The following FLACC1 variants were observed in gnomAD, a reference collection of about 807,000 sequenced individuals.
The protein encoded by FLACC1 is flagellum associated containing coiled-coil domains 1, also known as flagellum-associated coiled-coil domain-containing protein 1.
A neutral mutation model predicts 62.8 loss-of-function variants in FLACC1; 66 were observed. The ratio of observed to expected loss-of-function variants is 1.05; its 90% CI spans 0.86 to 1.29. The LOEUF is 1.29. Among genes scored for constraint, FLACC1 ranks in the 50% most tolerant of loss-of-function variants. The pLI, the probability that FLACC1 is intolerant of heterozygous loss-of-function variation, is 0.00. For synonymous variants in FLACC1, 156 were observed against 161.0 expected, an observed-to-expected ratio of 0.97 and a Z score of 0.24; for missense variants, 452 against 489.1, an observed-to-expected ratio of 0.92 and a Z score of 0.71.
At chr2:201,327,930 T>C (rs1431962228) in intron 9 of FLACC1, among the ~76,000 whole-genome samples, 2 of 152,006 alleles carry the variant, frequency 1.3e-5, no homozygotes, top group African/African-American at 2.4e-5. Flanking sequence ...GACTAATGAG[T>C]GGATAAATAA....
chr2:201,329,479 A>G (rs889811963), intron 9 of FLACC1, among the ~76,000 whole-genome samples: 9 of 152,232 alleles, frequency 5.9e-5, no homozygotes, highest in African/African-American at 2.2e-4. Context: ...TTCTACCAAA[A>G]AGACACCTTC....
chr2:201,358,655 G>A (rs1576490814), upstream of FLACC1, among the ~76,000 whole-genome samples: 1 of 151,898 alleles, frequency 6.6e-6, no homozygotes, highest in Non-Finnish European at 1.5e-5. Context: ...CTGACCTCGT[G>A]ATCCGCCCGC....
intron 1 of FLACC1, among the ~76,000 whole-genome samples, chr2:201,355,009 G>A (rs1049530224): frequency 6.6e-6 from 1 of 152,238 alleles, no homozygotes; most frequent in Non-Finnish European, 1.5e-5. Context: ...GAAAAAGATG[G>A]TATGGTGGCT....
chr2:201,346,508 C>T lies in FLACC1; in HGVS notation c.368+34G>A, dbSNP rs543028596. On this transcript the variant is annotated intron_variant, in intron 5 of 14. Coordinates refer to ENST00000392257, the MANE Select transcript of FLACC1 (RefSeq NM_001127391.3). The surrounding 1 kb of genome is among the most constrained non-coding windows in gnomAD (Gnocchi z 4.0). Reference sequence around the variant, plus strand: ...CCGGGCTGAGCTGGGTGGGAGTAGCCCCAAGCAGCTGCATGTTGCTGCAAC... The same window carrying T: ...CCGGGCTGAGCTGGGTGGGAGTAGCTCCAAGCAGCTGCATGTTGCTGCAAC... 69 of 1,609,874 alleles carry T rather than the reference C, an allele frequency of 4.3e-5. No individual in the cohort carries two copies. In the South Asian group the frequency reaches 5.8e-4, roughly 14 times the overall value.
chr2:201,357,112 A>T lies in FLACC1; in HGVS notation c.-178T>A, dbSNP rs886374086. 1.3e-5 allele frequency: 2 copies of T among 152,248 alleles called. No homozygotes were observed. 9.4% of individuals were successfully genotyped at this position (152,248 alleles called of 1,614,324 possible). A position where few individuals can be genotyped will look rare whatever the true frequency, so the allele number is the denominator to read the frequency against. Reference sequence around the variant, plus strand: ...TTTACTTTAGATCAAAAGCCACTTTAGTGGCCATTCCAAGTGGTTGAAATG... The same window carrying T: ...TTTACTTTAGATCAAAAGCCACTTTTGTGGCCATTCCAAGTGGTTGAAATG... On this transcript the variant is annotated 5_prime_UTR_variant, in exon 1 of 15. Coordinates refer to ENST00000392257, the MANE Select transcript of FLACC1 (RefSeq NM_001127391.3).
chr2:201,327,632 A>G (rs1576451255), intron 9 of FLACC1, among the ~76,000 whole-genome samples: 1 of 152,304 alleles, frequency 6.6e-6, no homozygotes, highest in Non-Finnish European at 1.5e-5. Flanking sequence ...TCCTGCAAGA[A>G]TGGTCATTAT....
At chr2:201,297,600 T>C (rs189043462) in intron 12 of FLACC1, among the ~76,000 whole-genome samples, 1 of 152,322 alleles carries the variant, frequency 6.6e-6, no homozygotes. Context: ...GAAGCATTCC[T>C]TGGATTTGGC....
chr2:201,358,966 C>G (rs956631457), upstream of FLACC1, among the ~76,000 whole-genome samples: 1 of 152,164 alleles, frequency 6.6e-6, no homozygotes, highest in African/African-American at 2.4e-5. Flanking sequence ...AGAGATCTGA[C>G]TAGATCTACA....
rs1476718601 is a variant in FLACC1 at position 201,346,757 on chromosome 2, A to G, written c.235-82T>C. 1.9e-6 allele frequency: 3 copies of G among 1,569,048 alleles called. No homozygotes were observed. Among genetic ancestry groups the G allele is most frequent in the Non-Finnish European group, 2.6e-6 (3 of 1,152,442 alleles). ...CAAATCTTCTCTTATTGCCTCACTC[A>G]CATCTTAAAAACAGGGACCTGGGAC... On this transcript the variant is annotated intron_variant, in intron 4 of 14. Transcript: ENST00000392257. This position sits in a 1 kb window ranked among gnomAD's most constrained non-coding sequence, Gnocchi z 4.0.
chr2:201,339,041 T>C (rs975681520), intron 7 of FLACC1, among the ~76,000 whole-genome samples: 4 of 150,804 alleles, frequency 2.7e-5, no homozygotes, highest in African/African-American at 1.0e-4. Flanking sequence ...ATCCATTTGG[T>C]CCTGGGCTTT....
At chr2:201,354,313 GAAA>G (rs912725201) in intron 1 of FLACC1, among the ~76,000 whole-genome samples, 1 of 152,212 alleles carries the variant, frequency 6.6e-6, no homozygotes, top group Non-Finnish European at 1.5e-5. Flanking sequence ...GGAGTCGGCA[GAAA>G]GAGAGCTAAG....
intron 7 of FLACC1, among the ~76,000 whole-genome samples, chr2:201,331,657 A>T (rs563406426): frequency 6.6e-6 from 1 of 152,370 alleles, no homozygotes; most frequent in East Asian, 1.9e-4. Context: ...AAAAAGGTCA[A>T]ACTATGGAGA....
intron 7 of FLACC1, among the ~76,000 whole-genome samples, chr2:201,336,954 T>G (rs1356641198): frequency 6.6e-6 from 1 of 152,204 alleles, no homozygotes. Flanking sequence ...AGAAATGTCT[T>G]CTTTTAAGAA....
chr2:201,345,996 C>A (rs1950905692), intron 5 of FLACC1, among the ~76,000 whole-genome samples: 1 of 152,166 alleles, frequency 6.6e-6, no homozygotes, highest in Admixed American at 6.5e-5. Context: ...AAAATCCCAT[C>A]TCTACTAAAG....
the FLACC1 span, among the ~76,000 whole-genome samples, chr2:201,363,997 G>C: frequency 6.6e-6 from 1 of 152,178 alleles, no homozygotes. Flanking sequence ...CCCTGTGTCT[G>C]AGCAGGGAGC....
intron 9 of FLACC1, among the ~76,000 whole-genome samples, chr2:201,328,838 C>T (rs1950542831): frequency 6.6e-6 from 1 of 151,934 alleles, no homozygotes; most frequent in African/African-American, 2.4e-5. Flanking sequence ...TTATAGAGCC[C>T]CAGAATTCTA....
chr2:201,362,991 G>T, the FLACC1 span, among the ~76,000 whole-genome samples: 1 of 152,106 alleles, frequency 6.6e-6, no homozygotes, highest in South Asian at 2.1e-4. Context: ...TGCAGCCAGG[G>T]CTAGCTTGGT....
chr2:201,310,109 G>A (rs759113821), intron 9 of FLACC1, among the ~76,000 whole-genome samples: 5 of 151,966 alleles, frequency 3.3e-5, no homozygotes, highest in Non-Finnish European at 7.4e-5. Context: ...AATCCTAGGA[G>A]GGGGAAGGCC....
Position 201,309,215 on chromosome 2 carries a change from T to C in FLACC1, c.711A>G (p.Ser237=). Residue 237 remains serine (S), a synonymous_variant, in exon 10 of 15, where the codon TCA becomes TCG. Coordinates refer to ENST00000392257, the MANE Select transcript of FLACC1 (RefSeq NM_001127391.3). The stretch of plus-strand genomic sequence containing the variant: ...CCTTCTTCCATTTCGCCTTCTGTTT[T>C]GACCACTTCTCTTCCATTTCATCAT... The part of the protein sequence containing the change: ...SIYDEMEEKW[S]KQKAKWKKDE... The C allele has an allele frequency of 6.2e-7, 1 of 1,614,154 alleles. No homozygotes were observed. The highest frequency in any genetic ancestry group is 2.2e-5 in the East Asian group (1 of 44,886).
Sources: gnomAD v4.1 joint callset for allele counts (sites outside exome capture counted in the v4.1 genomes callset) on GRCh38, gnomAD v4.1.1 for gene constraint, Gnocchi (gnomAD v3.1) non-coding constraint, MANE v1.5 for transcripts, NCBI Gene and HGNC (gene_info 2026-07-23, HGNC 2026-07-21) for gene names.